Variants in SLC4A2 observed in about 807,000 individuals in gnomAD.
The protein encoded by SLC4A2 is anion exchange protein 2.
In SLC4A2, 36 loss-of-function variants were observed where a neutral mutation model predicts 115.0. The observed-to-expected ratio is 0.31, with a 90% CI of 0.24 to 0.41. The LOEUF (loss-of-function observed/expected upper bound fraction) is 0.41, where lower values mean the gene tolerates loss of function less well. Ranked by LOEUF, SLC4A2 falls within the 10% of genes least tolerant of loss-of-function variation. The pLI, the probability that SLC4A2 is intolerant of heterozygous loss-of-function variation, is 1.00. For synonymous variants in SLC4A2, 708 were observed against 708.3 expected (o/e 1.00, Z 0.01); for missense variants, 1,252 against 1,705.6 (o/e 0.73, Z 4.68).
At chr7:151,074,956 G>A in intron 19 of SLC4A2, 115 bp downstream of exon 19, 1 of 1,083,680 alleles carries the variant, frequency 9.2e-7, no homozygotes, top group Non-Finnish European at 1.3e-6. Context: ...GGGAACCTTG[G>A]ATGCCCAGAT....
intron 2 of SLC4A2, chr7:151,063,042 T>C: frequency 6.8e-7 from 1 of 1,477,048 alleles, no homozygotes; most frequent in Non-Finnish European, 8.9e-7. Context: ...TGGCGGCGCC[T>C]GGAGCTGAGA....
At chr7:151,064,989 T>A in intron 5 of SLC4A2, 23 bp downstream of exon 5, 1 of 1,448,012 alleles carries the variant, frequency 6.9e-7, no homozygotes, top group Non-Finnish European at 9.7e-7. Flanking sequence ...CAATCAACAG[T>A]GTCCCCAACA....
In SLC4A2 at chr7:151,071,882, T is replaced by C. The variant is rs1264393569; in HGVS notation, c.2340+45T>C. On this transcript the variant is annotated intron_variant, in intron 15 of 22. Coordinates refer to ENST00000413384, the MANE Select transcript of SLC4A2 (RefSeq NM_003040.4). The surrounding 1 kb of genome is among the most constrained non-coding windows in gnomAD (Gnocchi z 5.5). Reference sequence around the variant, plus strand: ...ATCTCCAGCCGCCCCTCCCGTGCCCTAGACACCTCCCCACAGCATCCCCAC... The same window carrying C: ...ATCTCCAGCCGCCCCTCCCGTGCCCCAGACACCTCCCCACAGCATCCCCAC... 1 of 1,606,594 alleles carries C rather than the reference T, an allele frequency of 6.2e-7. No individual in the cohort carries two copies. Among genetic ancestry groups the C allele is most frequent in the Admixed American group, 1.7e-5 (1 of 59,720 alleles).
In SLC4A2 at chr7:151,074,836, C is replaced by T; in HGVS notation, c.3042C>T (p.Ile1014=). 1.2e-6 allele frequency: 2 copies of T among 1,607,552 alleles called. No homozygotes were observed. Among genetic ancestry groups the T allele is most frequent in the Non-Finnish European group, 1.7e-6 (2 of 1,177,260 alleles). ...TTCTCATCTTCATGGAGACACAGATCACCACGTGAGTGGTCCTAGCCAAAG... is the reference window on the plus strand; with the variant it reads ...TTCTCATCTTCATGGAGACACAGATTACCACGTGAGTGGTCCTAGCCAAAG... ...VFILIFMETQ[I]TTLIISKKER... is the part of the protein sequence containing the mutation. The change falls in exon 19 of 23, where the codon ATC becomes ATT. Residue 1014 remains isoleucine (I), a synonymous_variant. Coordinates refer to ENST00000413384, the MANE Select transcript of SLC4A2 (RefSeq NM_003040.4).
Position 151,066,590 on chromosome 7 carries a change from G to A in SLC4A2, c.652G>A (p.Ala218Thr). 6.5e-7 allele frequency: 1 copy of A among 1,547,726 alleles called. No individual in the cohort carries two copies. Among genetic ancestry groups the A allele is most frequent in the Non-Finnish European group, 8.7e-7 (1 of 1,146,332 alleles). Residue 218 changes from alanine to threonine, a missense_variant, in exon 6 of 23, where the codon GCC becomes ACC. This residue lies in a region of SLC4A2 where 215 missense variants were observed against 205.2 expected (regional missense o/e 1.05). Coordinates refer to ENST00000413384, the MANE Select transcript of SLC4A2 (RefSeq NM_003040.4). Reference sequence around the variant, plus strand: ...CACTGCAGGGGGTGACGACGGGGGTGCCTCGGGGCGCCCCCTGCCCAAAGC... The same window carrying A: ...CACTGCAGGGGGTGACGACGGGGGTACCTCGGGGCGCCCCCTGCCCAAAGC... ...SGTAGGDDGGASGRPLPKAQP... is the reference protein window; with the variant it reads ...SGTAGGDDGGTSGRPLPKAQP...
At chr7:151,074,924 C>T in intron 19 of SLC4A2, 83 bp downstream of exon 19, 1 of 1,380,346 alleles carries the variant, frequency 7.2e-7, no homozygotes, top group Non-Finnish European at 9.8e-7. Context: ...TCCAGCCACA[C>T]TGGGCAATCC....
Position 151,071,638 on chromosome 7 carries a change from G to T in SLC4A2, c.2191+33G>T, listed in dbSNP as rs1797443706. 1.2e-6 allele frequency: 2 copies of T among 1,613,108 alleles called. No individual in the cohort carries two copies. Among genetic ancestry groups the T allele is most frequent in the African/African-American group, 1.3e-5 (1 of 74,892 alleles). ...GAGCCTTCAGGTAGGGGGCGGCGGG[G>T]ACTGCCCAGGGCCTGGCCACCAGCT... On this transcript the variant is annotated intron_variant, in intron 14 of 22. Transcript: ENST00000413384. This position sits in a 1 kb window ranked among gnomAD's most constrained non-coding sequence, Gnocchi z 5.5.
chr7:151,071,101 C>A lies in SLC4A2; in HGVS notation c.1779C>A (p.Asp593Glu), dbSNP rs973056853. ...KQFHEAAYLADEREDLLTAIN... is the reference protein window; with the variant it reads ...KQFHEAAYLAEEREDLLTAIN... ...TCCACGAGGCAGCCTACCTGGCTGA[C>A]GAGCGGGAGGACCTGCTGACGGCCA... Residue 593 changes from aspartate (D) to glutamate (E), a missense_variant, in exon 13 of 23, where the codon GAC becomes GAA. Physicochemically the swap from Asp to Glu is conservative, Grantham distance 45. Around this residue, in one of 14 missense-constraint regions of SLC4A2, gnomAD observed 87 missense variants for 170.3 expected, o/e 0.51. Transcript: ENST00000413384. This position sits in a 1 kb window ranked among gnomAD's most constrained non-coding sequence, Gnocchi z 5.5. 1 of 1,612,496 alleles carries A rather than the reference C, an allele frequency of 6.2e-7. No individual in the cohort carries two copies. Among genetic ancestry groups the A allele is most frequent in the African/African-American group, 1.3e-5 (1 of 74,928 alleles).
Position 151,074,130 on chromosome 7 carries a change from C to A in SLC4A2, c.2627C>A (p.Pro876His), listed in dbSNP as rs543099788. Residue 876 changes from proline (P) to histidine (H), a missense_variant, in exon 17 of 23, where the codon CCC becomes CAC. Physicochemically the swap from Pro to His is moderately conservative, Grantham distance 77. Coordinates refer to ENST00000413384, the MANE Select transcript of SLC4A2 (RefSeq NM_003040.4). ...AACATGACATGGGCCGGGGCAAGAC[C>A]CACGCTGGGGCCGGGCAACAGGAGC... ...GENMTWAGARPTLGPGNRSLA... is the reference protein window; with the variant it reads ...GENMTWAGARHTLGPGNRSLA... The A allele has an allele frequency of 1.2e-6, 2 of 1,612,480 alleles. No homozygotes were observed. The highest frequency in any genetic ancestry group is 2.2e-5 in the South Asian group (2 of 91,002).
intron 2 of SLC4A2, chr7:151,063,217 G>A: frequency 7.8e-7 from 1 of 1,289,912 alleles, no homozygotes; most frequent in Non-Finnish European, 1.0e-6. Flanking sequence ...GGGGTGAGGG[G>A]TGGGGCTAGG....
rs200541395 is a variant in SLC4A2, at chr7:151,064,243, C to G, written c.93C>G (p.Pro31=). The change falls in exon 3 of 23, where the codon CCC becomes CCG. Residue 31 remains proline (P), a synonymous_variant. Coordinates refer to ENST00000413384, the MANE Select transcript of SLC4A2 (RefSeq NM_003040.4). ...TGGGCCCTGGGACGCCTGGGTTCCCCGAGCAGGAGGAAGACGAACTTCACC... is the reference window on the plus strand; with the variant it reads ...TGGGCCCTGGGACGCCTGGGTTCCCGGAGCAGGAGGAAGACGAACTTCACC... ...ESLGPGTPGF[P]EQEEDELHRT... 4 of 1,612,364 alleles carry G rather than the reference C, an allele frequency of 2.5e-6. No homozygotes were observed. The highest frequency in any genetic ancestry group is 3.4e-6 in the Non-Finnish European group (4 of 1,179,944).
At chr7:151,074,514 GTGC>G in intron 18 of SLC4A2, 26 bp downstream of exon 18, 1 of 1,608,510 alleles carries the variant, frequency 6.2e-7, no homozygotes, top group Non-Finnish European at 8.5e-7. Flanking sequence ...CAGCAGGCAA[GTGC>G]TGCTGCCTCT....
chr7:151,072,195 A>G, intron 16 of SLC4A2, 59 bp downstream of exon 16: 1 of 1,484,918 alleles, frequency 6.7e-7, no homozygotes, highest in Non-Finnish European at 9.3e-7. Flanking sequence ...GGCTGGAGGG[A>G]GTCTCTTGGT....
In SLC4A2 at chr7:151,060,309, G is replaced by A. The variant is rs1381547189; in HGVS notation, c.-64+547G>A. On this transcript the variant is annotated intron_variant, in intron 1 of 22. Transcript: ENST00000413384. The surrounding 1 kb of genome is among the most constrained non-coding windows in gnomAD (Gnocchi z 5.9). The stretch of plus-strand genomic sequence containing the variant: ...TCCCGGGGTCGGTTTGTCCAGGCGG[G>A]AAGTTCTGTGCTGGGTGTGAGAGGC... 1 of 152,364 alleles carries A rather than the reference G, an allele frequency of 6.6e-6. No individual in the cohort carries two copies. Among genetic ancestry groups the A allele is most frequent in the African/African-American group, 2.4e-5 (1 of 41,452 alleles). 9.4% of individuals were successfully genotyped at this position (152,364 alleles called of 1,614,324 possible).
rs372387355 is a variant in SLC4A2, at chr7:151,074,380, G to C, written c.2791-19G>C. On this transcript the variant is annotated intron_variant, in intron 17 of 22. Coordinates refer to ENST00000413384, the MANE Select transcript of SLC4A2 (RefSeq NM_003040.4). ...CGGCTGTGGTGGCAGGACTCTGAGC[G>C]CTGTGCCTGCCCACTCAGATCCGGC... 7.7e-5 allele frequency: 124 copies of C among 1,612,764 alleles called. No individual in the cohort carries two copies. Among genetic ancestry groups the C allele is most frequent in the Non-Finnish European group, 9.9e-5 (117 of 1,179,772 alleles).
Position 151,066,764 on chromosome 7 carries a change from A to G in SLC4A2, c.823+3A>G. 1.3e-6 allele frequency: 2 copies of G among 1,574,872 alleles called. No individual in the cohort carries two copies. The highest frequency in any genetic ancestry group is 2.7e-5 in the African/African-American group (2 of 74,092). ...GGCCGACCTAGACCTCATGAAGAGT[A>G]AGTGCTGGGCCTTGGCCAAGCCCGG... On this transcript the variant is annotated splice_donor_region_variant and intron_variant, in intron 6 of 22. Coordinates refer to ENST00000413384, the MANE Select transcript of SLC4A2 (RefSeq NM_003040.4).
Position 151,059,790 on chromosome 7 carries a change from G to A in SLC4A2, c.-64+28G>A, listed in dbSNP as rs1796987964. The A allele has an allele frequency of 6.6e-6, 1 of 150,750 alleles. No individual in the cohort carries two copies. Among genetic ancestry groups the A allele is most frequent in the African/African-American group, 2.4e-5 (1 of 41,072 alleles). 9.3% of individuals were successfully genotyped at this position (150,750 alleles called of 1,614,324 possible). ...AGGCGGAGAGGTGGTGGCGGGGGAC[G>A]GCCAGGGCCGCAGAGGGAGGAAGGG... On this transcript the variant is annotated intron_variant, in intron 1 of 22. Coordinates refer to ENST00000413384, the MANE Select transcript of SLC4A2 (RefSeq NM_003040.4). This position sits in a 1 kb window ranked among gnomAD's most constrained non-coding sequence, Gnocchi z 5.8.
intron 5 of SLC4A2, 43 bp downstream of exon 5, chr7:151,065,009 C>G: frequency 7.8e-7 from 1 of 1,286,180 alleles, no homozygotes; most frequent in Non-Finnish European, 1.1e-6. Context: ...AGACACTTCC[C>G]CTGCTAGGAT....
In SLC4A2 at chr7:151,071,751, G is replaced by A. The variant is rs139758611; in HGVS notation, c.2254G>A (p.Val752Met). 1.2e-5 allele frequency: 20 copies of A among 1,612,686 alleles called. No individual in the cohort carries two copies. The highest frequency in any genetic ancestry group is 3.3e-4 in the Middle Eastern group (2 of 6,078). Residue 752 changes from valine (V) to methionine (M), a missense_variant, in exon 15 of 23, where the codon GTG (valine) becomes ATG (methionine). This residue lies in a region of SLC4A2 where 118 missense variants were observed against 203.3 expected (regional missense o/e 0.58). Coordinates refer to ENST00000413384, the MANE Select transcript of SLC4A2 (RefSeq NM_003040.4). The surrounding 1 kb of genome is among the most constrained non-coding windows in gnomAD (Gnocchi z 5.5). Reference sequence around the variant, plus strand: ...GATTATGTCCACAGCGCTCCAGGGCGTGGTCTTCTGCCTGCTGGGTGCCCA... The same window carrying A: ...GATTATGTCCACAGCGCTCCAGGGCATGGTCTTCTGCCTGCTGGGTGCCCA... ...ELIMSTALQG[V>M]VFCLLGAQPL...
Sources: allele counts gnomAD v4.1 joint callset, GRCh38; gene constraint gnomAD v4.1.1; regional missense constraint gnomAD v4.1.1; non-coding constraint Gnocchi (gnomAD v3.1); transcripts MANE v1.5; gene names NCBI Gene and HGNC (gene_info 2026-07-23, HGNC 2026-07-21).